The following ZNF804B variants were observed in gnomAD, a reference collection of about 807,000 sequenced individuals.
The protein encoded by ZNF804B is zinc finger 804B.
ZNF804B carries 80 observed loss-of-function variants against 101.4 expected under a neutral mutation model. The observed-to-expected ratio is 0.79, with a 90% CI of 0.66 to 0.95. ZNF804B has a LOEUF of 0.95. Ranked by LOEUF, ZNF804B falls within the 40% of genes least tolerant of loss-of-function variation. The pLI, the probability that ZNF804B is intolerant of heterozygous loss-of-function variation, is 0.00. For missense variants in ZNF804B, 1,673 were observed against 1,561.9 expected, an observed-to-expected ratio of 1.07 and a Z score of -1.20; for synonymous variants, 622 against 558.8, an observed-to-expected ratio of 1.11 and a Z score of -1.59.
At position 89,270,031 on chromosome 7, in the gene ZNF804B, G is replaced by A. The variant is rs139718199; in HGVS notation, c.249+51736G>A. Among the ~76,000 whole-genome samples, 1,022 of 152,172 alleles carry A rather than the reference G, an allele frequency of 6.7e-3. 24 individuals are homozygous for A. The highest frequency in any genetic ancestry group is 0.042 in the East Asian group (216 of 5,170). ...TTGTGGGTTGCCTGTTCACTCTGAT[G>A]GTAGTTTCTTTTGCTGTGCAGAAAC... On this transcript the variant is annotated intron_variant, in intron 2 of 3. Coordinates refer to ENST00000333190, the MANE Select transcript of ZNF804B (RefSeq NM_181646.5).
chr7:88,831,857 T>A lies in ZNF804B; in HGVS notation c.108+71773T>A, dbSNP rs1207264293. On this transcript the variant is annotated intron_variant, in intron 1 of 3. Transcript: ENST00000333190. ...ATATATTCACAAGTTTTGTCAAATATATTGCCAATTTGTCTCCATGTTGCC... is the reference window on the plus strand; with the variant it reads ...ATATATTCACAAGTTTTGTCAAATAAATTGCCAATTTGTCTCCATGTTGCC... Among the ~76,000 whole-genome samples, 5 of 152,086 alleles carry A rather than the reference T, an allele frequency of 3.3e-5. No homozygotes were observed. In the South Asian group the frequency reaches 8.3e-4, roughly 25 times the overall value.
intron 1 of ZNF804B, among the ~76,000 whole-genome samples, chr7:88,888,438 G>A (rs1792166995): frequency 1.3e-5 from 2 of 151,876 alleles, no homozygotes; most frequent in Admixed American, 6.6e-5. Context: ...AATACAATTA[G>A]TTATCATCAC....
At chr7:89,126,614 T>C (rs1790476494) in intron 1 of ZNF804B, among the ~76,000 whole-genome samples, 1 of 151,972 alleles carries the variant, frequency 6.6e-6, no homozygotes, top group Non-Finnish European at 1.5e-5. Flanking sequence ...GAAATTTTTC[T>C]TCTGCTTTCT....
chr7:88,966,883 T>C (rs1371746909), intron 1 of ZNF804B, among the ~76,000 whole-genome samples: 1 of 151,466 alleles, frequency 6.6e-6, no homozygotes, highest in Non-Finnish European at 1.5e-5. Context: ...CTCCCTTTGC[T>C]CCACCATAGG....
intron 1 of ZNF804B, among the ~76,000 whole-genome samples, chr7:88,761,560 G>A (rs1789897026): frequency 6.6e-6 from 1 of 152,150 alleles, no homozygotes; most frequent in Non-Finnish European, 1.5e-5. Context: ...CTTTCTTACA[G>A]CCAACTTAAA....
At chr7:89,222,693 T>G (rs1374984466) in intron 2 of ZNF804B, among the ~76,000 whole-genome samples, 1 of 151,942 alleles carries the variant, frequency 6.6e-6, no homozygotes. Context: ...TTGTGTCTCT[T>G]TTTCAACACA....
intron 1 of ZNF804B, among the ~76,000 whole-genome samples, chr7:88,806,185 G>T (rs552714777): frequency 6.6e-6 from 1 of 152,034 alleles, no homozygotes; most frequent in East Asian, 1.9e-4. Flanking sequence ...AATCATACAA[G>T]GTGAATAAAA....
intron 1 of ZNF804B, among the ~76,000 whole-genome samples, chr7:88,958,483 C>T (rs1229641623): frequency 6.6e-6 from 1 of 151,454 alleles, no homozygotes; most frequent in African/African-American, 2.4e-5. Context: ...AGGGCTGAGT[C>T]ACACAGAGCC....
chr7:88,952,546 G>A (rs1007588269), intron 1 of ZNF804B, among the ~76,000 whole-genome samples: 4 of 151,702 alleles, frequency 2.6e-5, no homozygotes, highest in South Asian at 2.1e-4. Context: ...TTATAGTGAT[G>A]TAGTCAGGCT....
chr7:89,240,017 T>C (rs1414570697), intron 2 of ZNF804B, among the ~76,000 whole-genome samples: 2 of 151,896 alleles, frequency 1.3e-5, no homozygotes, highest in African/African-American at 4.8e-5. Flanking sequence ...AGTTATGTAT[T>C]GCACATTAAA....
chr7:89,074,387 G>A (rs1789586175), intron 1 of ZNF804B, among the ~76,000 whole-genome samples: 1 of 152,164 alleles, frequency 6.6e-6, no homozygotes, highest in Non-Finnish European at 1.5e-5. Flanking sequence ...GGAGGTGACT[G>A]AATTAAGCGG....
intron 1 of ZNF804B, among the ~76,000 whole-genome samples, chr7:88,921,643 C>T (rs1001508698): frequency 3.9e-5 from 6 of 151,942 alleles, no homozygotes; most frequent in Admixed American, 2.6e-4. Context: ...ATTTGCTTCC[C>T]GTGAGAATGA....
intron 1 of ZNF804B, among the ~76,000 whole-genome samples, chr7:88,820,610 G>A (rs913389243): frequency 6.6e-6 from 1 of 152,152 alleles, no homozygotes; most frequent in Non-Finnish European, 1.5e-5. Flanking sequence ...GCATGGTGAA[G>A]GGAAAAGTGA....
intron 1 of ZNF804B, among the ~76,000 whole-genome samples, chr7:88,798,376 T>C (rs1360043349): frequency 6.6e-6 from 1 of 152,126 alleles, no homozygotes; most frequent in African/African-American, 2.4e-5. Flanking sequence ...AAAAGAGTGA[T>C]AATATCTTAA....
intron 1 of ZNF804B, among the ~76,000 whole-genome samples, chr7:89,092,200 C>T (rs576102686): frequency 1.3e-5 from 2 of 151,704 alleles, no homozygotes; most frequent in South Asian, 4.2e-4. Context: ...AAGGATTTCT[C>T]GGGGGTCTCT....
At chr7:88,861,570 T>C (rs1025485124) in intron 1 of ZNF804B, among the ~76,000 whole-genome samples, 4 of 152,232 alleles carry the variant, frequency 2.6e-5, no homozygotes, top group Non-Finnish European at 5.9e-5. Flanking sequence ...ATGGATTTTA[T>C]TGATCTCTCA....
chr7:89,337,505 A>G lies in ZNF804B; in HGVS notation c.*473A>G, dbSNP rs1402043148. On this transcript the variant is annotated 3_prime_UTR_variant, in exon 4 of 4. Transcript: ENST00000333190. ...AAGTAATTTATGTCGTTAACTATTG[A>G]CTAAGTTTTCAATTAATGTAGTCTG... Among the ~76,000 whole-genome samples the G allele has an allele frequency of 6.6e-6, 1 of 152,132 alleles. No individual in the cohort carries two copies. Among genetic ancestry groups the G allele is most frequent in the Non-Finnish European group, 1.5e-5 (1 of 67,986 alleles).
At chr7:89,116,151 C>T (rs540326289) in intron 1 of ZNF804B, among the ~76,000 whole-genome samples, 38 of 151,778 alleles carry the variant, frequency 2.5e-4, no homozygotes, top group Non-Finnish European at 3.8e-4. Context: ...TGGATTCAGG[C>T]GATCCACCCA....
Position 88,943,172 on chromosome 7 carries a change from G to C in ZNF804B, c.108+183088G>C, listed in dbSNP as rs971149591. Among the ~76,000 whole-genome samples, 4 of 151,802 alleles carry C rather than the reference G, an allele frequency of 2.6e-5. No homozygotes were observed. The South Asian group carries it at 6.2e-4, about 24-fold the overall frequency. On this transcript the variant is annotated intron_variant, in intron 1 of 3. Transcript: ENST00000333190. The stretch of plus-strand genomic sequence containing the variant: ...TACGGGAAGTCAAAAATAAAAATCA[G>C]GACTTAGTAAATTTTTGTTGTTACA...
Sources: allele counts gnomAD v4.1 joint callset (sites outside exome capture counted in the v4.1 genomes callset), GRCh38; gene constraint gnomAD v4.1.1; transcripts MANE v1.5; gene names NCBI Gene and HGNC (gene_info 2026-07-23, HGNC 2026-07-21).